PRH1: variants seen among roughly 807,000 people sequenced by gnomAD.
The protein encoded by PRH1 is salivary acidic proline-rich phosphoprotein 1/2.
PRH1 carries 7 observed loss-of-function variants against 7.9 expected under a neutral mutation model. That is an observed-to-expected ratio of 0.89 (90% CI 0.50 to 1.67). The LOEUF (loss-of-function observed/expected upper bound fraction) is 1.67, where lower values mean the gene tolerates loss of function less well. PRH1 is among the 40% of genes most tolerant of loss of function. The probability of loss-of-function intolerance (pLI) is 0.00; values close to 1 mark genes in which losing one functional copy is unlikely to be tolerated. For missense variants in PRH1, 109 were observed against 223.6 expected, an observed-to-expected ratio of 0.49 and a Z score of 3.27; for synonymous variants, 45 against 80.8, an observed-to-expected ratio of 0.56 and a Z score of 2.38.
At chr12:10,939,274 A>G in intron 2 of PRH1, 1 of 886,430 alleles carries the variant, frequency 1.1e-6, no homozygotes, top group Non-Finnish European at 1.7e-6. Context: ...TTCATCTAAA[A>G]TGCTATGTAT....
At chr12:11,115,922 A>G (rs1470854133), downstream of PRH1, among the ~76,000 whole-genome samples, 2 of 152,080 alleles carry the variant, frequency 1.3e-5, no homozygotes, top group African/African-American at 2.4e-5. Context: ...ATTTATAGCT[A>G]TAAGGGCCTA....
chr12:10,926,092 A>G (rs1950118818), intron 2 of PRH1, among the ~76,000 whole-genome samples: 1 of 152,250 alleles, frequency 6.6e-6, no homozygotes, highest in Non-Finnish European at 1.5e-5. Context: ...GGTCATCAAC[A>G]TCAAATTAAA....
chr12:11,054,835 C>A (rs1298231258), intron 1 of PRH1, among the ~76,000 whole-genome samples: 1 of 102,256 alleles, frequency 9.8e-6, no homozygotes, highest in East Asian at 3.0e-4. Context: ...CGGAGTCTTG[C>A]TCTGTCACCC....
At chr12:10,999,095 C>G (rs1455169658) in intron 1 of PRH1, among the ~76,000 whole-genome samples, 1 of 151,974 alleles carries the variant, frequency 6.6e-6, no homozygotes. Flanking sequence ...CCACCAAACC[C>G]CAGCTTAAGA....
chr12:11,104,192 A>AG (rs1275790833), intron 1 of PRH1, among the ~76,000 whole-genome samples: 3 of 138,094 alleles, frequency 2.2e-5, no homozygotes, highest in African/African-American at 7.5e-5. Context: ...AAAAAAAAAA[A>AG]AAAAAAAAAA....
At chr12:11,044,636 G>T (rs1285107851) in intron 1 of PRH1, among the ~76,000 whole-genome samples, 2 of 152,076 alleles carry the variant, frequency 1.3e-5, no homozygotes, top group Admixed American at 6.5e-5. Context: ...ATGGGTGAAA[G>T]ATTTGAATAT....
At chr12:11,124,999 C>G (rs567273041) in intron 1 of PRH1, among the ~76,000 whole-genome samples, 5 of 152,082 alleles carry the variant, frequency 3.3e-5, no homozygotes, top group African/African-American at 4.8e-5. Flanking sequence ...CCCGCCATCA[C>G]GCCCAGCTAA....
chr12:11,070,560 T>C (rs1229556963), intron 1 of PRH1, among the ~76,000 whole-genome samples: 1 of 152,194 alleles, frequency 6.6e-6, no homozygotes, highest in Non-Finnish European at 1.5e-5. Flanking sequence ...TCTCTTCCTT[T>C]CTTTCCTGCT....
intron 1 of PRH1, among the ~76,000 whole-genome samples, chr12:11,158,183 A>T (rs927065672): frequency 6.6e-6 from 1 of 152,156 alleles, no homozygotes; most frequent in Non-Finnish European, 1.5e-5. Context: ...TTAAAATAAT[A>T]CATGATCTTC....
At chr12:11,158,444 T>C (rs1395149497) in intron 1 of PRH1, among the ~76,000 whole-genome samples, 3 of 152,166 alleles carry the variant, frequency 2.0e-5, no homozygotes, top group African/African-American at 4.8e-5. Context: ...CATTACACTT[T>C]TTTCTGTGAT....
chr12:10,926,612 C>T (rs1451968922), intron 2 of PRH1, among the ~76,000 whole-genome samples: 11 of 152,090 alleles, frequency 7.2e-5, no homozygotes, highest in African/African-American at 2.4e-5. Context: ...AAGAATGTTA[C>T]CAGGACCAGG....
intron 2 of PRH1, chr12:10,908,209 A>T: frequency 1.9e-6 from 1 of 528,502 alleles, no homozygotes; most frequent in East Asian, 3.0e-5. Context: ...TCATAAATAC[A>T]TAATATTCTT....
At chr12:11,150,262 C>T (rs996519166) in intron 1 of PRH1, among the ~76,000 whole-genome samples, 203 of 151,736 alleles carry the variant, frequency 1.3e-3, no homozygotes, top group African/African-American at 4.3e-3. Flanking sequence ...GTCAGTGTGG[C>T]GATTCCTCAG....
chr12:10,992,164 C>T (rs893014348), intron 1 of PRH1, among the ~76,000 whole-genome samples: 1 of 152,058 alleles, frequency 6.6e-6, no homozygotes, highest in African/African-American at 2.4e-5. Context: ...GCTTACATGC[C>T]CTCGGTAAAC....
intron 1 of PRH1, among the ~76,000 whole-genome samples, chr12:11,125,925 T>C (rs1025744885): frequency 2.6e-5 from 4 of 152,294 alleles, no homozygotes; most frequent in Non-Finnish European, 4.4e-5. Context: ...TTGGATTTCT[T>C]ACTATCATAA....
In PRH1 at chr12:10,907,512, TA is replaced by T. The variant is rs200254618; in HGVS notation, c.-58-23238del. On this transcript the variant is annotated intron_variant, in intron 2 of 3. Coordinates refer to the PRH1 transcript ENST00000539853. ...TATAACAATACACACTCTATAACTGTATGTGTGTGTGTGTGTGTGTATATAT... is the reference window on the plus strand; with the variant it reads ...TATAACAATACACACTCTATAACTGTTGTGTGTGTGTGTGTGTGTATATAT... 3.9e-3 allele frequency among the ~76,000 whole-genome samples: 424 copies of T among 109,900 alleles called. 8 individuals are homozygous for T. Among genetic ancestry groups the T allele is most frequent in the Non-Finnish European group, 9.0e-4 (41 of 45,354 alleles). The allele number at this position is 109,900 out of a possible 152,430, so 72.1% of individuals were successfully genotyped here. A position where few individuals can be genotyped will look rare whatever the true frequency, so the allele number is the denominator to read the frequency against.
intron 2 of PRH1, among the ~76,000 whole-genome samples, chr12:10,959,597 C>A (rs1480421739): frequency 1.3e-5 from 2 of 151,960 alleles, no homozygotes. Context: ...CGCAAGAAAT[C>A]AAAAATGGGT....
At chr12:11,149,138 T>G (rs535943385) in intron 1 of PRH1, among the ~76,000 whole-genome samples, 52 of 151,954 alleles carry the variant, frequency 3.4e-4, no homozygotes, top group Non-Finnish European at 7.1e-4. Flanking sequence ...TGATATCCCC[T>G]TTATTATTTT....
chr12:10,973,768 G>T, intron 1 of PRH1: 1 of 766,820 alleles, frequency 1.3e-6, no homozygotes, highest in Non-Finnish European at 2.4e-6. Flanking sequence ...TCAATTCATC[G>T]GAGAGCTGTG....
Sources: gnomAD v4.1 joint callset for allele counts (sites outside exome capture counted in the v4.1 genomes callset) on GRCh38, gnomAD v4.1.1 for gene constraint, MANE v1.5 for transcripts, NCBI Gene and HGNC (gene_info 2026-07-23, HGNC 2026-07-21) for gene names.